HNRNPM: variants seen among roughly 807,000 people sequenced by gnomAD.
The protein encoded by HNRNPM is heterogeneous nuclear ribonucleoprotein M.
In HNRNPM, 11 loss-of-function variants were observed where a neutral mutation model predicts 73.1. The ratio of observed to expected loss-of-function variants is 0.15; its 90% confidence interval spans 0.09 to 0.25. The LOEUF is 0.25. HNRNPM is among the 10% of genes least tolerant of loss of function. The pLI, the probability that HNRNPM is intolerant of heterozygous loss-of-function variation, is 1.00. For synonymous variants in HNRNPM, 407 were observed against 355.2 expected (o/e 1.15, Z -1.64); for missense variants, 789 against 1,067.9 (o/e 0.74, Z 3.64).
intron 1 of HNRNPM, 125 bp downstream of exon 1, chr19:8,445,236 C>T (rs1341638066): frequency 4.7e-6 from 4 of 853,974 alleles, no homozygotes; most frequent in Non-Finnish European, 6.5e-6. Context: ...TGTTCCCGTA[C>T]CGCCTGCTCA....
At position 8,486,421 on chromosome 19, in the gene HNRNPM, G is replaced by A. The variant is rs756044023; in HGVS notation, c.1977+16G>A. On this transcript the variant is annotated intron_variant, in intron 14 of 15. Transcript: ENST00000325495. The stretch of plus-strand genomic sequence containing the variant: ...TGTGAGAAATGTAAGTGGCTCTTGG[G>A]GAACTTCTTGGTGGTGGTGAGCATG... The A allele has an allele frequency of 6.5e-7, 1 of 1,543,108 alleles. No homozygotes were observed. The highest frequency in any genetic ancestry group is 1.2e-5 in the South Asian group (1 of 83,786).
At chr19:8,449,477 C>T (rs1968460511) in intron 1 of HNRNPM, among the ~76,000 whole-genome samples, 2 of 152,138 alleles carry the variant, frequency 1.3e-5, no homozygotes, top group African/African-American at 4.8e-5. Flanking sequence ...CCTCTCTACC[C>T]TTCTCAATAA....
At chr19:8,466,511 T>C in intron 7 of HNRNPM, 123 bp downstream of exon 7, 1 of 981,698 alleles carries the variant, frequency 1.0e-6, no homozygotes, top group East Asian at 2.4e-5. Flanking sequence ...CTAGGGGGAG[T>C]GCATTACTGT....
At chr19:8,446,509 A>C (rs1968197869) in intron 1 of HNRNPM, among the ~76,000 whole-genome samples, 1 of 152,190 alleles carries the variant, frequency 6.6e-6, no homozygotes, top group Admixed American at 6.6e-5. Context: ...TCCTGGGCTC[A>C]ATCGATCCTT....
At chr19:8,477,237 A>G (rs144091839) in intron 12 of HNRNPM, among the ~76,000 whole-genome samples, 27 of 152,286 alleles carry the variant, frequency 1.8e-4, no homozygotes, top group South Asian at 4.1e-4. Context: ...TGTGATCCCC[A>G]TTTCAGCCTG....
chr19:8,473,069 C>T (rs1365953536), intron 10 of HNRNPM, among the ~76,000 whole-genome samples: 2 of 151,982 alleles, frequency 1.3e-5, no homozygotes, highest in Non-Finnish European at 2.9e-5. Flanking sequence ...GTCTAGGCGA[C>T]ATAGACTCCA....
rs760361879 is a variant in HNRNPM at position 8,485,754 on chromosome 19, C to T, written c.1326C>T (p.Asp442=). The part of the protein sequence containing the change: ...SEIERMGLVM[D]RMGSVERMGS... ...TCGAGCGCATGGGCCTGGTCATGGA[C>T]CGCATGGGCTCCGTGGAGCGCATGG... The change falls in exon 14 of 16, where the codon GAC becomes GAT. Residue 442 remains aspartate, a synonymous_variant. Transcript: ENST00000325495. 1 of 1,602,978 alleles carries T rather than the reference C, an allele frequency of 6.2e-7. No homozygotes were observed. Among genetic ancestry groups the T allele is most frequent in the Non-Finnish European group, 8.5e-7 (1 of 1,178,742 alleles).
In HNRNPM at chr19:8,463,552, A is replaced by G. The variant is rs1331164287; in HGVS notation, c.345-41A>G. 1.9e-6 allele frequency: 3 copies of G among 1,612,854 alleles called. No individual in the cohort carries two copies. The South Asian group carries it at 3.3e-5, about 18-fold the overall frequency. On this transcript the variant is annotated intron_variant, in intron 4 of 15. Coordinates refer to ENST00000325495, the MANE Select transcript of HNRNPM (RefSeq NM_005968.5). ...TTGGTATTTGAGCCTTCTAACTTGTAGGACTGGTTTCACTCGACTCGTTTC... is the reference window on the plus strand; with the variant it reads ...TTGGTATTTGAGCCTTCTAACTTGTGGGACTGGTTTCACTCGACTCGTTTC...
In HNRNPM at chr19:8,488,677, C is replaced by T. The variant is rs1313953528; in HGVS notation, c.2030-14C>T. On this transcript the variant is annotated splice_polypyrimidine_tract_variant and intron_variant, in intron 15 of 15. Coordinates refer to ENST00000325495, the MANE Select transcript of HNRNPM (RefSeq NM_005968.5). ...CGGGACTGAGTGTCGTCTCTTCTTC[C>T]CTCCCTGTCCTAGGCCACGTGCTGT... 1.2e-6 allele frequency: 2 copies of T among 1,600,850 alleles called. No individual in the cohort carries two copies. The highest frequency in any genetic ancestry group is 1.1e-5 in the South Asian group (1 of 90,226).
chr19:8,446,603 G>A (rs1968205167), intron 1 of HNRNPM, among the ~76,000 whole-genome samples: 2 of 152,094 alleles, frequency 1.3e-5, no homozygotes, highest in South Asian at 4.2e-4. Context: ...AGGTCTCCGG[G>A]TGTTGCCCAG....
chr19:8,449,052 T>G (rs1599741468), intron 1 of HNRNPM, among the ~76,000 whole-genome samples: 2 of 152,348 alleles, frequency 1.3e-5, no homozygotes, highest in Non-Finnish European at 1.5e-5. Flanking sequence ...TTGAATTGTT[T>G]TATTTAAATC....
At chr19:8,475,049 A>G (rs1970409560) in intron 12 of HNRNPM, among the ~76,000 whole-genome samples, 1 of 152,208 alleles carries the variant, frequency 6.6e-6, no homozygotes. Flanking sequence ...ATATAATAAT[A>G]TAATAACAAT....
chr19:8,467,949 C>T (rs1273541838), intron 8 of HNRNPM, among the ~76,000 whole-genome samples: 1 of 152,008 alleles, frequency 6.6e-6, no homozygotes, highest in Non-Finnish European at 1.5e-5. Context: ...ATCACTTGAA[C>T]GTGGGAGGCA....
At chr19:8,453,164 C>G (rs1200258452) in intron 1 of HNRNPM, among the ~76,000 whole-genome samples, 1 of 151,964 alleles carries the variant, frequency 6.6e-6, no homozygotes, top group Non-Finnish European at 1.5e-5. Context: ...TGTTTGGAGA[C>G]AGAGTCTCAT....
chr19:8,463,566 T>C lies in HNRNPM; in HGVS notation c.345-27T>C, dbSNP rs377473478. 2.0e-5 allele frequency: 33 copies of C among 1,612,582 alleles called. No homozygotes were observed. The East Asian group carries it at 7.3e-4, about 36-fold the overall frequency. ...TTCTAACTTGTAGGACTGGTTTCAC[T>C]CGACTCGTTTCCTTTTGACTCTATA... is the stretch of plus-strand genomic sequence containing the variant. On this transcript the variant is annotated intron_variant, in intron 4 of 15. Coordinates refer to ENST00000325495, the MANE Select transcript of HNRNPM (RefSeq NM_005968.5).
In HNRNPM at chr19:8,486,179, T is replaced by C; in HGVS notation, c.1751T>C (p.Met584Thr). 6.3e-7 allele frequency: 1 copy of C among 1,584,514 alleles called. No homozygotes were observed. Among genetic ancestry groups the C allele is most frequent in the African/African-American group, 1.3e-5 (1 of 74,142 alleles). The change falls in exon 14 of 16, where the codon ATG becomes ACG. Residue 584 changes from methionine (M) to threonine (T), a missense_variant. Met to Thr is a moderately conservative substitution (Grantham distance 81). Transcript: ENST00000325495. ...NSLERMGLER[M>T]GANSLERMGP... ...CTCGAGCGCATGGGCCTGGAGCGCA[T>C]GGGTGCCAACAGCCTCGAGCGCATG...
At chr19:8,476,638 G>T (rs1970528718) in intron 12 of HNRNPM, among the ~76,000 whole-genome samples, 1 of 152,058 alleles carries the variant, frequency 6.6e-6, no homozygotes. Flanking sequence ...CAGTGAAAAT[G>T]CTACCCTTTG....
intron 2 of HNRNPM, among the ~76,000 whole-genome samples, chr19:8,456,221 C>T (rs186109756): frequency 1.5e-4 from 23 of 152,232 alleles, no homozygotes; most frequent in Admixed American, 9.8e-4. Flanking sequence ...ACCTTCCAGC[C>T]GAGGGCAGGG....
intron 1 of HNRNPM, among the ~76,000 whole-genome samples, chr19:8,453,505 G>T (rs1968776267): frequency 6.6e-6 from 1 of 152,194 alleles, no homozygotes. Flanking sequence ...TTCCACGGAA[G>T]AAAGTTACAT....
Sources: allele counts gnomAD v4.1 joint callset (sites outside exome capture counted in the v4.1 genomes callset), GRCh38; gene constraint gnomAD v4.1.1; transcripts MANE v1.5; gene names NCBI Gene and HGNC (gene_info 2026-07-23, HGNC 2026-07-21).